CPEB3: variants seen among roughly 807,000 people sequenced by gnomAD.
CPEB3 encodes the protein cytoplasmic polyadenylation element-binding protein 3.
A neutral mutation model predicts 67.2 loss-of-function variants in CPEB3; 20 were observed. That is an observed-to-expected ratio of 0.30 (90% CI 0.21 to 0.43). The LOEUF (loss-of-function observed/expected upper bound fraction) is 0.43. Ranked by LOEUF, CPEB3 falls within the 20% of genes least tolerant of loss-of-function variation. The pLI is 1.00. For missense variants in CPEB3, 746 were observed against 968.6 expected (o/e 0.77, Z 3.05); for synonymous variants, 376 against 393.1 (o/e 0.96, Z 0.51).
intron 9 of CPEB3, among the ~76,000 whole-genome samples, chr10:92,073,849 G>C (rs1222416283): frequency 1.3e-5 from 2 of 152,176 alleles, no homozygotes; most frequent in Admixed American, 6.5e-5. Context: ...ACCTCTCTTA[G>C]ATTCTCCTGT....
chr10:92,129,915 T>C (rs1325822540), intron 6 of CPEB3, among the ~76,000 whole-genome samples: 4 of 152,042 alleles, frequency 2.6e-5, no homozygotes, highest in Non-Finnish European at 5.9e-5. Context: ...GGCATGGTAG[T>C]GAGTGCAGCT....
intron 7 of CPEB3, among the ~76,000 whole-genome samples, chr10:92,100,383 C>T (rs1476083187): frequency 4.6e-5 from 7 of 151,998 alleles, no homozygotes; most frequent in Admixed American, 2.6e-4. Flanking sequence ...AAGTGATTCT[C>T]GTGCCTCAGT....
chr10:92,184,648 A>G (rs1194447533), intron 3 of CPEB3, among the ~76,000 whole-genome samples: 1 of 152,194 alleles, frequency 6.6e-6, no homozygotes, highest in African/African-American at 2.4e-5. Flanking sequence ...AGAAGGCCAC[A>G]TCCATCAGAA....
intron 4 of CPEB3, 85 bp downstream of exon 4, chr10:92,180,878 A>G (rs1239210112): frequency 1.2e-6 from 1 of 801,830 alleles, no homozygotes; most frequent in Non-Finnish European, 2.2e-6. Context: ...GGAAGGTTAA[A>G]ATGTAACCAA....
At chr10:92,114,602 CT>C (rs1442431936) in intron 6 of CPEB3, among the ~76,000 whole-genome samples, 6 of 152,206 alleles carry the variant, frequency 3.9e-5, no homozygotes, top group Non-Finnish European at 1.5e-5. Context: ...TTCTAAGTGC[CT>C]TGTGGACATT....
chr10:92,286,468 CCACCTACT>C (rs1842530041), intron 1 of CPEB3, among the ~76,000 whole-genome samples: 1 of 151,600 alleles, frequency 6.6e-6, no homozygotes, highest in South Asian at 2.1e-4. Context: ...GCCTGTGATC[CCACCTACT>C]CAGGTGGCTG....
At chr10:92,195,511 A>G (rs1210898948) in intron 2 of CPEB3, among the ~76,000 whole-genome samples, 3 of 152,216 alleles carry the variant, frequency 2.0e-5, no homozygotes, top group Admixed American at 2.0e-4. Context: ...GTCCAAAGAA[A>G]AAGCCAGAGG....
chr10:92,272,029 T>C (rs1489668903), intron 1 of CPEB3: 2 of 152,192 alleles, frequency 1.3e-5, no homozygotes, highest in African/African-American at 4.8e-5. Flanking sequence ...AATGGATTCA[T>C]ATTTATTCTA....
At chr10:92,114,105 A>AC (rs1009000442) in intron 6 of CPEB3, among the ~76,000 whole-genome samples, 9 of 151,822 alleles carry the variant, frequency 5.9e-5, no homozygotes, top group Non-Finnish European at 1.0e-4. Flanking sequence ...ACTCCCCCCA[A>AC]CCCCCCAAAA....
At chr10:92,282,197 C>A (rs1170979314) in intron 1 of CPEB3, among the ~76,000 whole-genome samples, 1 of 152,112 alleles carries the variant, frequency 6.6e-6, no homozygotes, top group Non-Finnish European at 1.5e-5. Context: ...AATGGGTCTC[C>A]CACCATATTT....
intron 6 of CPEB3, among the ~76,000 whole-genome samples, chr10:92,115,563 G>C (rs1007328963): frequency 2.6e-5 from 4 of 152,182 alleles, no homozygotes; most frequent in African/African-American, 9.7e-5. Context: ...TATGAATGTT[G>C]ATGACTTTAT....
At chr10:92,122,025 A>G (rs1327359699) in intron 6 of CPEB3, among the ~76,000 whole-genome samples, 1 of 152,204 alleles carries the variant, frequency 6.6e-6, no homozygotes, top group African/African-American at 2.4e-5. Flanking sequence ...TACCAAAAAC[A>G]TCTAGGAGAT....
chr10:92,187,909 A>AAC (rs1471092330), intron 3 of CPEB3, among the ~76,000 whole-genome samples: 1 of 152,134 alleles, frequency 6.6e-6, no homozygotes, highest in Non-Finnish European at 1.5e-5. Flanking sequence ...AGAAATAAGA[A>AAC]ACAGGGCCAG....
At chr10:92,273,432 A>G (rs1458806520) in intron 1 of CPEB3, among the ~76,000 whole-genome samples, 4 of 152,180 alleles carry the variant, frequency 2.6e-5, no homozygotes, top group African/African-American at 4.8e-5. Context: ...TTCAGACTTA[A>G]TAAGATTTTA....
chr10:92,058,528 G>A (rs1038762301), intron 9 of CPEB3, among the ~76,000 whole-genome samples: 6 of 151,572 alleles, frequency 4.0e-5, no homozygotes, highest in African/African-American at 1.2e-4. Context: ...TGGCCTGGGC[G>A]ACAGAACAAG....
At chr10:92,178,201 C>T (rs1480746643) in intron 4 of CPEB3, among the ~76,000 whole-genome samples, 3 of 151,062 alleles carry the variant, frequency 2.0e-5, no homozygotes, top group Admixed American at 6.6e-5. Flanking sequence ...CTCTGTCACC[C>T]GGGCTGGAGT....
chr10:92,053,232 G>A (rs1483921733), intron 9 of CPEB3, among the ~76,000 whole-genome samples: 1 of 152,062 alleles, frequency 6.6e-6, no homozygotes, highest in African/African-American at 2.4e-5. Flanking sequence ...GCCCTTTAGG[G>A]AACCTTTTTA....
At chr10:92,075,213 T>C (rs536761439) in intron 9 of CPEB3, among the ~76,000 whole-genome samples, 16 of 152,316 alleles carry the variant, frequency 1.1e-4, no homozygotes, top group Admixed American at 9.8e-4. Context: ...GGTTCAGAAG[T>C]TTCCCCCAAG....
intron 1 of CPEB3, among the ~76,000 whole-genome samples, chr10:92,283,397 A>G (rs569177821): frequency 6.6e-6 from 1 of 152,342 alleles, no homozygotes; most frequent in East Asian, 1.9e-4. Context: ...CCAGGAATTC[A>G]AAAAGGGAGG....
Sources: gnomAD v4.1 joint callset for allele counts (sites outside exome capture counted in the v4.1 genomes callset) on GRCh38, gnomAD v4.1.1 for gene constraint, MANE v1.5 for transcripts, NCBI Gene and HGNC (gene_info 2026-07-23, HGNC 2026-07-21) for gene names.